ADAMTSL1: variants seen among roughly 807,000 people sequenced by gnomAD.
ADAMTSL1 encodes the protein ADAMTS-like protein 1.
ADAMTSL1 carries 126 observed loss-of-function variants against 201.8 expected under a neutral mutation model. The observed-to-expected ratio is 0.62, with a 90% CI of 0.54 to 0.72. The LOEUF (loss-of-function observed/expected upper bound fraction) is 0.72. Ranked by LOEUF, ADAMTSL1 falls within the 30% of genes least tolerant of loss-of-function variation. The pLI is 0.00. For synonymous variants in ADAMTSL1, 1,121 were observed against 903.4 expected, an observed-to-expected ratio of 1.24 and a Z score of -4.32; for missense variants, 2,679 against 2,277.8, an observed-to-expected ratio of 1.18 and a Z score of -3.59.
At chr9:18,345,800 C>T (rs1285758307) in intron 2 of ADAMTSL1, among the ~76,000 whole-genome samples, 1 of 152,036 alleles carries the variant, frequency 6.6e-6, no homozygotes, top group African/African-American at 2.4e-5. Context: ...GCTCACATGC[C>T]ATTGGCACAA....
intron 2 of ADAMTSL1, among the ~76,000 whole-genome samples, chr9:18,219,892 A>C (rs981555531): frequency 1.3e-5 from 2 of 152,086 alleles, no homozygotes; most frequent in African/African-American, 4.8e-5. Context: ...CTAAACTCTC[A>C]TATTAGTTTT....
At chr9:18,816,963 CT>C in intron 20 of ADAMTSL1, 145 bp from the exon 21 acceptor site, 1 of 1,010,128 alleles carries the variant, frequency 9.9e-7, no homozygotes, top group East Asian at 2.7e-5. Context: ...ATACTGTGCG[CT>C]TGCAATTTTT....
At chr9:18,680,595 C>T (rs765942866) in intron 11 of ADAMTSL1, 79 bp downstream of exon 11, 7 of 1,499,636 alleles carry the variant, frequency 4.7e-6, no homozygotes, top group Non-Finnish European at 6.5e-6. Flanking sequence ...CACCGGGTAC[C>T]CTGAGCAGCT....
intron 15 of ADAMTSL1, among the ~76,000 whole-genome samples, chr9:18,752,728 A>C (rs1819535963): frequency 1.3e-5 from 2 of 152,242 alleles, no homozygotes; most frequent in African/African-American, 2.4e-5. Context: ...TCGATGGAGC[A>C]GCCTTCATTT....
At chr9:18,196,519 G>A (rs751897728) in intron 2 of ADAMTSL1, among the ~76,000 whole-genome samples, 3 of 152,066 alleles carry the variant, frequency 2.0e-5, no homozygotes, top group African/African-American at 4.8e-5. Context: ...TACCTGGTAC[G>A]GCAGGGATGC....
intron 2 of ADAMTSL1, among the ~76,000 whole-genome samples, chr9:18,377,034 C>T (rs998369686): frequency 8.5e-5 from 13 of 152,176 alleles, no homozygotes; most frequent in South Asian, 4.1e-4. Context: ...AACAAATCCT[C>T]GAAATTCTCA....
rs56112949 is a variant in ADAMTSL1, at chr9:18,894,345, C to CTTTTTTTTTTTTT, written c.4851+1753_4851+1765dup. Among the ~76,000 whole-genome samples, 33 of 123,954 alleles carry CTTTTTTTTTTTTT rather than the reference C, an allele frequency of 2.7e-4. 3 individuals carry two copies. Among genetic ancestry groups the CTTTTTTTTTTTTT allele is most frequent in the Non-Finnish European group, 3.6e-4 (22 of 61,656 alleles). 81.3% of individuals were successfully genotyped at this position (123,954 alleles called of 152,430 possible). ...CCTGGGTGACAGAGCAAAACCTTGT[C>CTTTTTTTTTTTTT]TTTTTTTTTTTTTTTTGAAAAAGGT... On this transcript the variant is annotated intron_variant, in intron 26 of 28. Coordinates refer to ENST00000380548, the MANE Select transcript of ADAMTSL1 (RefSeq NM_001040272.6).
chr9:18,635,970 A>T lies in ADAMTSL1; in HGVS notation c.629A>T (p.Tyr210Phe). 6.2e-7 allele frequency: 1 copy of T among 1,601,862 alleles called. No individual in the cohort carries two copies. The highest frequency in any genetic ancestry group is 8.5e-7 in the Non-Finnish European group (1 of 1,177,280). Residue 210 changes from tyrosine to phenylalanine, a missense_variant, in exon 6 of 29, where the codon TAT becomes TTT. Coordinates refer to ENST00000380548, the MANE Select transcript of ADAMTSL1 (RefSeq NM_001040272.6). ...GATGATACTGTGGTTGCAATTCCCT[A>T]TGGAAGTAGACATATTCGCCTTGTC... is the stretch of plus-strand genomic sequence containing the variant. ...KSDDTVVAIP[Y>F]GSRHIRLVLK...
chr9:18,402,181 G>T (rs567818474), intron 2 of ADAMTSL1, among the ~76,000 whole-genome samples: 11 of 152,198 alleles, frequency 7.2e-5, no homozygotes, highest in African/African-American at 2.6e-4. Flanking sequence ...CACCTGCTTT[G>T]CTCGATTATT....
chr9:18,905,549 A>T, intron 26 of ADAMTSL1: 1 of 535,736 alleles, frequency 1.9e-6, no homozygotes, highest in Non-Finnish European at 3.4e-6. Flanking sequence ...GTTCTACACT[A>T]CCATTAGCCA....
intron 2 of ADAMTSL1, among the ~76,000 whole-genome samples, chr9:18,416,218 A>G (rs117253196): frequency 0.036 from 5,456 of 152,142 alleles, 143 homozygotes; most frequent in Non-Finnish European, 0.05. Context: ...CTAGCGTAGT[A>G]TGGAAGTTAT....
Position 18,175,445 on chromosome 9 carries a change from A to G in ADAMTSL1, c.207+11464A>G, listed in dbSNP as rs112794720. On this transcript the variant is annotated intron_variant, in intron 2 of 29. Coordinates refer to the ADAMTSL1 transcript ENST00000680146. ...TTACACAGTGGATACTTGTATGTCA[A>G]AGCTAATTATGTGCTTTTGGGATGT... Among the ~76,000 whole-genome samples, 187 of 152,268 alleles carry G rather than the reference A, an allele frequency of 1.2e-3. 1 individual carries two copies. Among genetic ancestry groups the G allele is most frequent in the African/African-American group, 3.4e-3 (142 of 41,550 alleles).
At chr9:18,170,598 T>A (rs1038346595) in intron 2 of ADAMTSL1, among the ~76,000 whole-genome samples, 2 of 151,988 alleles carry the variant, frequency 1.3e-5, no homozygotes, top group Admixed American at 6.6e-5. Flanking sequence ...GGACCAATAA[T>A]TAATTTCATC....
At position 18,753,473 on chromosome 9, in the gene ADAMTSL1, TG is replaced by T; in HGVS notation, c.2183del (p.Cys728SerfsTer92). 1 of 1,613,238 alleles carries T rather than the reference TG, an allele frequency of 6.2e-7. No individual in the cohort carries two copies. The highest frequency in any genetic ancestry group is 8.5e-7 in the Non-Finnish European group (1 of 1,179,752). ...GGTGCAAGCTTGTAACCGCTTTAATTGCCCCCCAGCCTGGTACCCTGCACAG... is the reference window on the plus strand; with the variant it reads ...GGTGCAAGCTTGTAACCGCTTTAATTCCCCCCAGCCTGGTACCCTGCACAG... ...STVQACNRFN[C>X]PPAWYPAQWQ... On this transcript the variant is annotated frameshift_variant, in exon 16 of 29. Transcript: ENST00000380548. LOFTEE classifies it high-confidence loss of function.
At chr9:18,218,292 G>T (rs12236490) in intron 2 of ADAMTSL1, among the ~76,000 whole-genome samples, 29,123 of 152,024 alleles carry the variant, frequency 0.19, 2,880 homozygotes, top group East Asian at 0.24. Flanking sequence ...AATACTCATG[G>T]ACATGATTTA....
chr9:17,980,807 C>T (rs796600987), intron 1 of ADAMTSL1, among the ~76,000 whole-genome samples: 1 of 152,224 alleles, frequency 6.6e-6, no homozygotes, highest in African/African-American at 2.4e-5. Flanking sequence ...GCTTACAGTT[C>T]TGCAGGCTGT....
At chr9:18,392,026 A>T (rs1016398767) in intron 2 of ADAMTSL1, among the ~76,000 whole-genome samples, 1 of 151,600 alleles carries the variant, frequency 6.6e-6, no homozygotes, top group African/African-American at 2.4e-5. Flanking sequence ...GGGTTTCACC[A>T]TGTTAGCCAG....
intron 23 of ADAMTSL1, among the ~76,000 whole-genome samples, chr9:18,838,657 T>C (rs1216448823): frequency 1.3e-5 from 2 of 151,698 alleles, no homozygotes; most frequent in African/African-American, 4.9e-5. Flanking sequence ...CAAGACCTTA[T>C]CACTACAAAA....
chr9:17,977,332 G>T (rs921178968), intron 1 of ADAMTSL1, among the ~76,000 whole-genome samples: 1 of 152,008 alleles, frequency 6.6e-6, no homozygotes, highest in Non-Finnish European at 1.5e-5. Context: ...AGCAATGCTG[G>T]CCTTATAAAA....
Sources: gnomAD v4.1 joint callset for allele counts (sites outside exome capture counted in the v4.1 genomes callset) on GRCh38, gnomAD v4.1.1 for gene constraint, MANE v1.5 for transcripts, NCBI Gene and HGNC (gene_info 2026-07-23, HGNC 2026-07-21) for gene names.